Variants in OTUD7A observed in about 807,000 individuals in gnomAD.
The protein encoded by OTUD7A is OTU domain-containing protein 7A.
Under a neutral mutation model 65.7 loss-of-function variants are expected in OTUD7A, and 12 were observed. The observed-to-expected ratio is 0.18, with a 90% CI of 0.12 to 0.30. OTUD7A has a LOEUF of 0.30. OTUD7A is among the 10% of genes least tolerant of loss of function. The probability of loss-of-function intolerance (pLI) is 1.00; values close to 1 mark genes in which losing one functional copy is unlikely to be tolerated. For missense variants in OTUD7A, 1,148 were observed against 1,304.8 expected, an observed-to-expected ratio of 0.88 and a Z score of 1.85; for synonymous variants, 641 against 586.3, an observed-to-expected ratio of 1.09 and a Z score of -1.35.
At chr15:31,784,837 G>A (rs189341282) in intron 1 of OTUD7A, among the ~76,000 whole-genome samples, 2 of 152,196 alleles carry the variant, frequency 1.3e-5, no homozygotes, top group Non-Finnish European at 2.9e-5. Context: ...TAGAAGGTGA[G>A]GAATGGCACA....
At chr15:31,616,679 G>C (rs1350517223) in intron 3 of OTUD7A, among the ~76,000 whole-genome samples, 1 of 152,098 alleles carries the variant, frequency 6.6e-6, no homozygotes, top group East Asian at 1.9e-4. Flanking sequence ...CGAGTACTGG[G>C]ATTACAGACA....
rs749167452 is a variant in OTUD7A at position 31,481,289 on chromosome 15, A to C, written c.*2005T>G. The C allele has an allele frequency of 6.6e-6, 1 of 152,220 alleles. No individual in the cohort carries two copies. The highest frequency in any genetic ancestry group is 1.5e-5 in the Non-Finnish European group (1 of 68,040). The allele number at this position is 152,220 out of a possible 1,614,324, so 9.4% of individuals were successfully genotyped here. On this transcript the variant is annotated 3_prime_UTR_variant, in exon 13 of 13. Transcript: ENST00000307050. ...TAAGGTTGGGTGTCTCAATCTTTTA[A>C]GAGTGACGAGCATGAGGAGTGGCTG...
intron 10 of OTUD7A, among the ~76,000 whole-genome samples, chr15:31,494,231 C>T (rs560628392): frequency 6.6e-6 from 1 of 152,304 alleles, no homozygotes; most frequent in South Asian, 2.1e-4. Flanking sequence ...GAAGTGTGGT[C>T]TTTGGGAGGT....
intron 8 of OTUD7A, among the ~76,000 whole-genome samples, chr15:31,515,185 G>A (rs962972087): frequency 4.6e-5 from 7 of 152,192 alleles, no homozygotes; most frequent in Admixed American, 6.5e-5. Context: ...TCAAGGAATG[G>A]AGGGGGCAGT....
At chr15:31,485,050 G>A (rs2041217525) in intron 12 of OTUD7A, among the ~76,000 whole-genome samples, 2 of 152,210 alleles carry the variant, frequency 1.3e-5, no homozygotes, top group African/African-American at 2.4e-5. Context: ...CCTGAGTAGG[G>A]TATTGCAGCA....
intron 3 of OTUD7A, among the ~76,000 whole-genome samples, chr15:31,586,102 G>A (rs569405881): frequency 2.6e-5 from 4 of 152,268 alleles, no homozygotes; most frequent in South Asian, 2.1e-4. Flanking sequence ...TGCCAGTTAC[G>A]ATTACTATTA....
At chr15:31,541,273 G>A (rs1027048559) in intron 5 of OTUD7A, among the ~76,000 whole-genome samples, 4 of 152,148 alleles carry the variant, frequency 2.6e-5, no homozygotes, top group Admixed American at 2.6e-4. Flanking sequence ...GGAAAGACCT[G>A]GCCTTTAGGT....
At chr15:31,766,068 A>G in intron 1 of OTUD7A, 5 of 1,489,316 alleles carry the variant, frequency 3.4e-6, no homozygotes, top group African/African-American at 2.8e-5. Flanking sequence ...AGGACTTTCA[A>G]TATGTCCCCT....
At chr15:31,609,868 G>A (rs1890348135) in intron 3 of OTUD7A, among the ~76,000 whole-genome samples, 1 of 151,584 alleles carries the variant, frequency 6.6e-6, no homozygotes, top group Non-Finnish European at 1.5e-5. Context: ...CCATCGCTGA[G>A]AGACCCATAG....
intron 1 of OTUD7A, among the ~76,000 whole-genome samples, chr15:31,849,867 G>A (rs541304800): frequency 1.3e-5 from 2 of 152,340 alleles, no homozygotes; most frequent in South Asian, 4.1e-4. Context: ...TCTCACACCA[G>A]TTAGAATGGT....
chr15:31,540,231 CCA>C (rs1423763882), intron 5 of OTUD7A, among the ~76,000 whole-genome samples: 2 of 152,198 alleles, frequency 1.3e-5, no homozygotes, highest in Non-Finnish European at 2.9e-5. Context: ...TGAAAAATCA[CCA>C]CACTTTCCAT....
chr15:31,683,397 T>C (rs1892764065), intron 1 of OTUD7A, among the ~76,000 whole-genome samples: 1 of 152,214 alleles, frequency 6.6e-6, no homozygotes, highest in Non-Finnish European at 1.5e-5. Flanking sequence ...ATTGTTTTCT[T>C]CTTTAGTTTC....
At chr15:31,835,310 C>G (rs1198266639) in intron 1 of OTUD7A, among the ~76,000 whole-genome samples, 1 of 152,238 alleles carries the variant, frequency 6.6e-6, no homozygotes, top group Non-Finnish European at 1.5e-5. Context: ...TTGACTCAAG[C>G]ATATGTTAAA....
At chr15:31,782,012 TC>T (rs1242921947) in intron 1 of OTUD7A, among the ~76,000 whole-genome samples, 1 of 152,232 alleles carries the variant, frequency 6.6e-6, no homozygotes, top group Non-Finnish European at 1.5e-5. Context: ...CTTTTATTTT[TC>T]TTTTATGAAC....
chr15:31,591,179 A>G (rs1374754275), intron 3 of OTUD7A, among the ~76,000 whole-genome samples: 1 of 151,982 alleles, frequency 6.6e-6, no homozygotes, highest in Non-Finnish European at 1.5e-5. Flanking sequence ...CAAAACCACC[A>G]TCTGCATAGA....
chr15:31,794,910 C>T (rs1370655593), intron 1 of OTUD7A, among the ~76,000 whole-genome samples: 1 of 152,160 alleles, frequency 6.6e-6, no homozygotes, highest in Non-Finnish European at 1.5e-5. Context: ...ATGTATTTAG[C>T]TTAAGTAAAA....
In OTUD7A at chr15:31,527,172, G is replaced by A. The variant is rs752788647; in HGVS notation, c.780+9C>T. The A allele has an allele frequency of 1.2e-6, 2 of 1,613,886 alleles. No homozygotes were observed. The highest frequency in any genetic ancestry group is 2.7e-5 in the African/African-American group (2 of 74,916). On this transcript the variant is annotated intron_variant, in intron 7 of 12. Coordinates refer to ENST00000307050, the MANE Select transcript of OTUD7A (RefSeq NM_001382637.1). ...GTCCCGGGCTCTGGCCATGCCAGTG[G>A]ATACCAACCTCCTTATTCTGCTGCG...
At chr15:31,503,325 C>T (rs369822155) in intron 9 of OTUD7A, among the ~76,000 whole-genome samples, 6 of 152,132 alleles carry the variant, frequency 3.9e-5, no homozygotes, top group Non-Finnish European at 8.8e-5. Context: ...ATGTGGTCTG[C>T]GGAGGGGTGG....
intron 1 of OTUD7A, among the ~76,000 whole-genome samples, chr15:31,850,636 C>T (rs1303369645): frequency 6.6e-6 from 1 of 152,112 alleles, no homozygotes; most frequent in Non-Finnish European, 1.5e-5. Flanking sequence ...CATCCTTCTG[C>T]TCACACCCAC....
Sources: allele counts gnomAD v4.1 joint callset (sites outside exome capture counted in the v4.1 genomes callset), GRCh38; gene constraint gnomAD v4.1.1; transcripts MANE v1.5; gene names NCBI Gene and HGNC (gene_info 2026-07-23, HGNC 2026-07-21).